The following ARPC3 variants were observed in gnomAD, a reference collection of about 807,000 sequenced individuals.
ARPC3 encodes the protein actin related protein 2/3 complex subunit 3.
ARPC3 carries 12 observed loss-of-function variants against 27.6 expected under a neutral mutation model. The ratio of observed to expected loss-of-function variants is 0.43; its 90% CI spans 0.28 to 0.70. The LOEUF (loss-of-function observed/expected upper bound fraction) is 0.70. Among genes scored for constraint, ARPC3 ranks in the 30% least tolerant of loss-of-function variants. The pLI is 0.17. For synonymous variants in ARPC3, 53 were observed against 67.2 expected (o/e 0.79, Z 1.03); for missense variants, 153 against 207.7 (o/e 0.74, Z 1.62).
chr12:110,450,218 C>T (rs1236562402), intron 1 of ARPC3, 37 bp downstream of exon 1: 3 of 1,613,732 alleles, frequency 1.9e-6, no homozygotes, highest in East Asian at 4.5e-5. Flanking sequence ...TCTTCGCAAT[C>T]CCCGCTGTCT....
At position 110,434,941 on chromosome 12, in the gene ARPC3, A is replaced by G. The variant is rs1185868508; in HGVS notation, c.*214T>C. On this transcript the variant is annotated 3_prime_UTR_variant, in exon 7 of 7. Transcript: ENST00000228825. ...TTCTTTATTATTACTTATTCTTATT[A>G]AGCGCCAGCTTTAATGCTGCAGAAA... is the stretch of plus-strand genomic sequence containing the variant. 2.8e-6 allele frequency: 2 copies of G among 704,054 alleles called. No homozygotes were observed. The highest frequency in any genetic ancestry group is 4.1e-5 in the Admixed American group (2 of 49,364). 43.6% of individuals were successfully genotyped at this position (704,054 alleles called of 1,614,324 possible).
intron 2 of ARPC3, chr12:110,444,828 GAA>G (rs1485547088): frequency 1.3e-5 from 2 of 152,530 alleles, no homozygotes; most frequent in Non-Finnish European, 2.9e-5. Flanking sequence ...ACCATGAATG[GAA>G]TTCAGTTCAG....
chr12:110,445,614 C>A, intron 1 of ARPC3, 63 bp from the exon 2 acceptor site: 1 of 1,235,790 alleles, frequency 8.1e-7, no homozygotes, highest in Non-Finnish European at 1.2e-6. Context: ...CTGTGGCAAA[C>A]AACCTTCCCT....
chr12:110,441,425 C>T (rs2135501250), intron 2 of ARPC3, among the ~76,000 whole-genome samples: 1 of 152,220 alleles, frequency 6.6e-6, no homozygotes, highest in Non-Finnish European at 1.5e-5. Flanking sequence ...GCCACCACCC[C>T]CGGATTTTCA....
At chr12:110,442,107 C>G (rs2062440730) in intron 2 of ARPC3, among the ~76,000 whole-genome samples, 7 of 151,724 alleles carry the variant, frequency 4.6e-5, no homozygotes, top group Middle Eastern at 6.8e-3. Context: ...CTCCTGGCCT[C>G]AAGTGATCCT....
chr12:110,436,697 T>TATAA lies in ARPC3; in HGVS notation c.253-15_253-14insTTAT. ...TTTGGAATTGCACTGGAAAAAAAAA[T>TATAA]ATATATATATATATACACACACACA... On this transcript the variant is annotated splice_polypyrimidine_tract_variant and intron_variant, in intron 4 of 6. Coordinates refer to ENST00000228825, the MANE Select transcript of ARPC3 (RefSeq NM_001278556.2). 2 of 602,732 alleles carry TATAA rather than the reference T, an allele frequency of 3.3e-6. No individual in the cohort carries two copies. The highest frequency in any genetic ancestry group is 5.2e-6 in the Non-Finnish European group (2 of 383,110). 37.3% of individuals were successfully genotyped at this position (602,732 alleles called of 1,614,324 possible).
At chr12:110,445,202 C>T (rs769236919) in intron 2 of ARPC3, 4 of 473,790 alleles carry the variant, frequency 8.4e-6, no homozygotes, top group African/African-American at 2.0e-5. Context: ...TAAACAGTGT[C>T]CAGAATTAAG....
chr12:110,449,516 C>G (rs1175365468), intron 1 of ARPC3, among the ~76,000 whole-genome samples: 4 of 152,158 alleles, frequency 2.6e-5, no homozygotes, highest in African/African-American at 9.6e-5. Context: ...GAGCCGAGAT[C>G]GCCTCACTGC....
chr12:110,436,478 A>C, intron 5 of ARPC3, 79 bp downstream of exon 5: 1 of 1,587,418 alleles, frequency 6.3e-7, no homozygotes, highest in South Asian at 1.1e-5. Flanking sequence ...GAATCAAGGC[A>C]AGAAAAAGAG....
intron 3 of ARPC3, among the ~76,000 whole-genome samples, chr12:110,437,819 T>A (rs1416705522): frequency 1.3e-5 from 2 of 152,152 alleles, no homozygotes; most frequent in Non-Finnish European, 2.9e-5. Flanking sequence ...TTAAAAACCC[T>A]TCCCTTCAGG....
At chr12:110,443,072 G>A (rs1394262805) in intron 2 of ARPC3, 1 of 151,948 alleles carries the variant, frequency 6.6e-6, no homozygotes, top group Admixed American at 6.6e-5. Flanking sequence ...ATTGCCCTGT[G>A]GAAGAATTTC....
At chr12:110,441,563 C>T (rs1450844923) in intron 2 of ARPC3, among the ~76,000 whole-genome samples, 1 of 151,982 alleles carries the variant, frequency 6.6e-6, no homozygotes, top group Non-Finnish European at 1.5e-5. Flanking sequence ...AGAGGTCTTG[C>T]TCTGTTACCC....
chr12:110,449,999 G>A (rs2062491503), intron 1 of ARPC3, among the ~76,000 whole-genome samples: 1 of 68,920 alleles, frequency 1.5e-5, no homozygotes, highest in East Asian at 3.5e-4. Context: ...GTCGGAAGGA[G>A]TAGACGGAGA....
chr12:110,448,606 T>C (rs928532842), intron 1 of ARPC3, among the ~76,000 whole-genome samples: 3 of 151,148 alleles, frequency 2.0e-5, no homozygotes, highest in African/African-American at 7.3e-5. Context: ...TGAACCGAGT[T>C]TGTGTCACTG....
In ARPC3 at chr12:110,441,989, C is replaced by T. The variant is rs1235831564; in HGVS notation, c.107-1601G>A. ...GAGGATGCAGTGAGCCAAGATTGCA[C>T]CATTGCACTCCAGCCTGGGCAACGA... is the stretch of plus-strand genomic sequence containing the variant. On this transcript the variant is annotated intron_variant, in intron 2 of 6. Transcript: ENST00000228825. 7.3e-5 allele frequency among the ~76,000 whole-genome samples: 11 copies of T among 150,942 alleles called. No homozygotes were observed. The East Asian group carries it at 2.1e-3, about 29-fold the overall frequency.
chr12:110,450,184 G>A lies in ARPC3; in HGVS notation c.6+71C>T, dbSNP rs560805583. 15 of 1,602,380 alleles carry A rather than the reference G, an allele frequency of 9.4e-6. No individual in the cohort carries two copies. The East Asian group carries it at 1.3e-4, about 14-fold the overall frequency. ...CTGCCTTCCGCCGCCCGCTTCTCTCGGCACACACACGGTTTCTCTCTGCTC... is the reference window on the plus strand; with the variant it reads ...CTGCCTTCCGCCGCCCGCTTCTCTCAGCACACACACGGTTTCTCTCTGCTC... On this transcript the variant is annotated intron_variant, in intron 1 of 6. Coordinates refer to ENST00000228825, the MANE Select transcript of ARPC3 (RefSeq NM_001278556.2).
chr12:110,436,687 G>GAAAAAA lies in ARPC3; in HGVS notation c.253-10_253-5dup, dbSNP rs59861890. On this transcript the variant is annotated splice_region_variant and splice_polypyrimidine_tract_variant and intron_variant, in intron 4 of 6. Coordinates refer to ENST00000228825, the MANE Select transcript of ARPC3 (RefSeq NM_001278556.2). ...CACCTTGGCTTTTGGAATTGCACTG[G>GAAAAAA]AAAAAAAAATATATATATATATATA... The GAAAAAA allele has an allele frequency of 5.2e-4, 420 of 806,810 alleles. 5 individuals are homozygous for GAAAAAA. In the African/African-American group the frequency reaches 9.2e-3, roughly 18 times the overall value. 50.0% of individuals were successfully genotyped at this position (806,810 alleles called of 1,614,324 possible).
rs566537530 is a variant in ARPC3 at position 110,440,983 on chromosome 12, T to C, written c.107-595A>G. 1.1e-3 allele frequency among the ~76,000 whole-genome samples: 169 copies of C among 148,380 alleles called. 1 individual carries two copies. Among genetic ancestry groups the C allele is most frequent in the African/African-American group, 4.0e-3 (160 of 40,028 alleles). On this transcript the variant is annotated intron_variant, in intron 2 of 6. Transcript: ENST00000228825. The stretch of plus-strand genomic sequence containing the variant: ...TCAGCCTCCCAAGTAGCTGGGGCTA[T>C]AGGCACCTGCCACCATGCTCAGCTA...
chr12:110,435,795 T>C (rs565579240), intron 6 of ARPC3, among the ~76,000 whole-genome samples: 8 of 152,196 alleles, frequency 5.3e-5, no homozygotes, highest in Admixed American at 2.6e-4. Context: ...GGCTAATTTT[T>C]TGTATTTTCA....
Sources: gnomAD v4.1 joint callset for allele counts (sites outside exome capture counted in the v4.1 genomes callset) on GRCh38, gnomAD v4.1.1 for gene constraint, MANE v1.5 for transcripts, NCBI Gene and HGNC (gene_info 2026-07-23, HGNC 2026-07-21) for gene names.